PARP2: variants seen among roughly 807,000 people sequenced by gnomAD.
The protein encoded by PARP2 is poly(ADP-ribose) polymerase 2.
A neutral mutation model predicts 77.8 loss-of-function variants in PARP2; 57 were observed. That is an observed-to-expected ratio of 0.73 (90% CI 0.59 to 0.91). PARP2 has a LOEUF of 0.91. PARP2 is among the 40% of genes least tolerant of loss of function. The pLI is 0.00. For synonymous variants in PARP2, 226 were observed against 242.6 expected (o/e 0.93, Z 0.64); for missense variants, 651 against 689.0 (o/e 0.94, Z 0.62).
chr14:20,357,449 A>G lies in PARP2; in HGVS notation c.1482A>G (p.Gly494=). The stretch of plus-strand genomic sequence containing the variant: ...TAGAGGCCAATCCTAAGGCCGAAGG[A>G]TTGCTTCAAGGTAAACATAGCACCA... ...ELLEANPKAE[G]LLQGKHSTKG... The change falls in exon 15 of 16, where the codon GGA becomes GGG. Residue 494 remains glycine (G), a synonymous_variant. Transcript: ENST00000429687. 4.3e-6 allele frequency: 7 copies of G among 1,613,890 alleles called. No individual in the cohort carries two copies. Among genetic ancestry groups the G allele is most frequent in the Non-Finnish European group, 5.9e-6 (7 of 1,179,930 alleles).
chr14:20,349,583 G>A (rs1883886080), intron 4 of PARP2, among the ~76,000 whole-genome samples: 1 of 151,916 alleles, frequency 6.6e-6, no homozygotes, highest in Admixed American at 6.6e-5. Context: ...TGAGGCACAA[G>A]AAATTGCTTG....
At chr14:20,346,085 G>C (rs1052813144) in intron 3 of PARP2, among the ~76,000 whole-genome samples, 4 of 152,132 alleles carry the variant, frequency 2.6e-5, no homozygotes, top group African/African-American at 9.7e-5. Context: ...TTACAATTCA[G>C]CATGAGATTT....
chr14:20,355,216 T>G (rs1884101574), intron 9 of PARP2: 1 of 315,928 alleles, frequency 3.2e-6, no homozygotes, highest in South Asian at 1.0e-4. Flanking sequence ...ACCACCCAAG[T>G]AAAACACCTT....
At chr14:20,349,131 A>C (rs997931081) in intron 4 of PARP2, among the ~76,000 whole-genome samples, 2 of 151,970 alleles carry the variant, frequency 1.3e-5, no homozygotes, top group Non-Finnish European at 2.9e-5. Flanking sequence ...TTCAGGTGTG[A>C]GTTCAAGATC....
intron 10 of PARP2, 38 bp downstream of exon 10, chr14:20,355,853 A>G (rs374318257): frequency 1.9e-5 from 30 of 1,613,224 alleles, no homozygotes; most frequent in Non-Finnish European, 2.5e-5. Context: ...TATATCCCTT[A>G]TACCAGTGTC....
intron 5 of PARP2, 66 bp downstream of exon 5, chr14:20,350,688 C>G (rs963607990): frequency 5.0e-5 from 49 of 980,562 alleles, no homozygotes; most frequent in Non-Finnish European, 7.9e-5. Context: ...TAGTGGGTGG[C>G]CAAAGGATTC....
rs1566418328 is a variant in PARP2, at chr14:20,347,373, TATATATATATATATATATA to T, written c.324+461_324+479del. Among the ~76,000 whole-genome samples, 2 of 23,468 alleles carry T rather than the reference TATATATATATATATATATA, an allele frequency of 8.5e-5. 1 individual carries two copies. The highest frequency in any genetic ancestry group is 3.4e-4 in the African/African-American group (2 of 5,892). 15.4% of individuals were successfully genotyped at this position (23,468 alleles called of 152,430 possible). On this transcript the variant is annotated intron_variant, in intron 4 of 15. Coordinates refer to ENST00000429687, the MANE Select transcript of PARP2 (RefSeq NM_001042618.2). Reference sequence around the variant, plus strand: ...GTGTGTGTGTATATATATATATATATATATATATATATATATATATATATATTTTTTTTTTTTTTTTTTT... The same window carrying T: ...GTGTGTGTGTATATATATATATATATTATATATTTTTTTTTTTTTTTTTTT...
At chr14:20,345,582 G>C in intron 3 of PARP2, 118 bp downstream of exon 3, 1 of 695,830 alleles carries the variant, frequency 1.4e-6, no homozygotes, top group South Asian at 1.8e-5. Flanking sequence ...TCCAAAATAT[G>C]ATGAGTGAGT....
chr14:20,347,356 G>GTGTATATATATATATA (rs1168423656), intron 4 of PARP2, among the ~76,000 whole-genome samples: 1 of 29,572 alleles, frequency 3.4e-5, no homozygotes, highest in East Asian at 1.2e-3. Context: ...ATGTGTGTGT[G>GTGTATATATATATATA]TATATATATA....
intron 4 of PARP2, among the ~76,000 whole-genome samples, chr14:20,347,356 G>GTGTGTATATATA (rs1168423656): frequency 3.7e-4 from 11 of 29,568 alleles, no homozygotes; most frequent in Non-Finnish European, 5.4e-4. Context: ...ATGTGTGTGT[G>GTGTGTATATATA]TATATATATA....
At chr14:20,348,348 T>C (rs1883840860) in intron 4 of PARP2, among the ~76,000 whole-genome samples, 1 of 152,134 alleles carries the variant, frequency 6.6e-6, no homozygotes, top group Middle Eastern at 3.4e-3. Context: ...AGTTTTAAAT[T>C]TTTTCTGTAG....
At chr14:20,354,370 G>C in intron 8 of PARP2, 123 bp downstream of exon 8, 1 of 831,142 alleles carries the variant, frequency 1.2e-6, no homozygotes, top group Non-Finnish European at 1.9e-6. Flanking sequence ...TGGGATTTGG[G>C]GTGACAGGTT....
In PARP2 at chr14:20,344,884, A is replaced by T. The variant is rs772946783; in HGVS notation, c.47-48A>T. 16 of 1,090,080 alleles carry T rather than the reference A, an allele frequency of 1.5e-5. No homozygotes were observed. In the South Asian group the frequency reaches 2.2e-4, roughly 15 times the overall value. 67.5% of individuals were successfully genotyped at this position (1,090,080 alleles called of 1,614,324 possible). A position where few individuals can be genotyped will look rare whatever the true frequency, so the allele number is the denominator to read the frequency against. On this transcript the variant is annotated intron_variant, in intron 1 of 15. Transcript: ENST00000429687. The stretch of plus-strand genomic sequence containing the variant: ...ATTTTTTTCAATCTTTAAAATCTAC[A>T]CGTATTCGGGTGTGTACTCATTCTT...
At chr14:20,351,290 T>G (rs1447832459) in intron 6 of PARP2, among the ~76,000 whole-genome samples, 168 bp downstream of exon 6, 1 of 152,192 alleles carries the variant, frequency 6.6e-6, no homozygotes, top group Non-Finnish European at 1.5e-5. Context: ...GTGATTCTCC[T>G]GCCTCAGCCT....
chr14:20,356,889 A>G (rs1322197426), intron 13 of PARP2, 162 bp from the exon 14 acceptor site: 2 of 676,252 alleles, frequency 3.0e-6, no homozygotes, highest in Non-Finnish European at 5.2e-6. Flanking sequence ...GAAGGCGGAA[A>G]TTCACAGGGG....
chr14:20,357,546 A>G, intron 15 of PARP2, 26 bp downstream of exon 15: 2 of 1,603,634 alleles, frequency 1.2e-6, no homozygotes, highest in Non-Finnish European at 1.7e-6. Context: ...CAGGAGGACT[A>G]GAAGACTCCT....
intron 1 of PARP2, chr14:20,344,308 C>A (rs3093882): frequency 0.2 from 30,723 of 152,812 alleles, 3,627 homozygotes; most frequent in South Asian, 0.34. Context: ...AACCTTTATC[C>A]CATACGGCCT....
chr14:20,344,233 G>A (rs1883622521), intron 1 of PARP2: 1 of 152,956 alleles, frequency 6.5e-6, no homozygotes, highest in South Asian at 2.1e-4. Context: ...ACTTCTCCAA[G>A]TTTCCACAGA....
Position 20,346,859 on chromosome 14 carries a change from C to T in PARP2, c.274-4C>T, listed in dbSNP as rs12587181. On this transcript the variant is annotated splice_polypyrimidine_tract_variant and splice_region_variant and intron_variant, in intron 3 of 15. Coordinates refer to ENST00000429687, the MANE Select transcript of PARP2 (RefSeq NM_001042618.2). ...GTTGATTTTTTCTCTCTCTCCCTTT[C>T]TAGGCTCATGTGTATTGTGAAGGAA... The T allele has an allele frequency of 1.3e-6, 2 of 1,596,438 alleles. No individual in the cohort carries two copies. Among genetic ancestry groups the T allele is most frequent in the Non-Finnish European group, 1.7e-6 (2 of 1,166,568 alleles).
Sources: allele counts gnomAD v4.1 joint callset (sites outside exome capture counted in the v4.1 genomes callset), GRCh38; gene constraint gnomAD v4.1.1; transcripts MANE v1.5; gene names NCBI Gene and HGNC (gene_info 2026-07-23, HGNC 2026-07-21).